Variants in PTPRD observed in about 807,000 individuals in gnomAD.
PTPRD encodes the protein receptor-type tyrosine-protein phosphatase delta.
A neutral mutation model predicts 214.5 loss-of-function variants in PTPRD; 34 were observed. The ratio of observed to expected loss-of-function variants is 0.16; its 90% confidence interval spans 0.12 to 0.21. PTPRD has a LOEUF of 0.21. Among genes scored for constraint, PTPRD ranks in the 10% least tolerant of loss-of-function variants. PTPRD has a pLI of 1.00. For synonymous variants in PTPRD, 1,128 were observed against 845.7 expected, an observed-to-expected ratio of 1.33 and a Z score of -5.79; for missense variants, 2,545 against 2,398.7, an observed-to-expected ratio of 1.06 and a Z score of -1.27.
chr9:9,014,592 T>G (rs930242126), intron 11 of PTPRD, among the ~76,000 whole-genome samples: 2 of 152,182 alleles, frequency 1.3e-5, no homozygotes, highest in African/African-American at 4.8e-5. Context: ...GTGTGTTTAT[T>G]TATGGTAATA....
intron 4 of PTPRD, among the ~76,000 whole-genome samples, chr9:10,027,884 T>G (rs893465900): frequency 6.6e-6 from 1 of 152,180 alleles, no homozygotes; most frequent in Non-Finnish European, 1.5e-5. Context: ...GGTGATTATT[T>G]TGTTTTTCCT....
Position 8,528,768 on chromosome 9 carries a change from G to T in PTPRD, c.364C>A (p.Pro122Thr), listed in dbSNP as rs1279233089. 2 of 1,613,098 alleles carry T rather than the reference G, an allele frequency of 1.2e-6. No individual in the cohort carries two copies. Among genetic ancestry groups the T allele is most frequent in the Non-Finnish European group, 1.7e-6 (2 of 1,179,538 alleles). The change falls in exon 15 of 46, where the codon CCC (proline) becomes ACC (threonine). Residue 122 changes from proline to threonine, a missense_variant. Coordinates refer to ENST00000381196, the MANE Select transcript of PTPRD (RefSeq NM_002839.4). ...RLTVLREDQI[P>T]RGFPTIDMGP... Reference sequence around the variant, plus strand: ...ATGTCAATGGTAGGGAAGCCCCTGGGAATTTGATCTTCTGCAAGACAAAAG... The same window carrying T: ...ATGTCAATGGTAGGGAAGCCCCTGGTAATTTGATCTTCTGCAAGACAAAAG...
intron 14 of PTPRD, among the ~76,000 whole-genome samples, chr9:8,578,330 T>C (rs1262483783): frequency 6.6e-6 from 1 of 152,194 alleles, no homozygotes; most frequent in Non-Finnish European, 1.5e-5. Context: ...CAACTAGGTA[T>C]ACTGTTGATC....
rs1025108396 is a variant in PTPRD, at chr9:8,391,491, C to T, written c.4211-2084G>A. 9.9e-5 allele frequency among the ~76,000 whole-genome samples: 15 copies of T among 152,222 alleles called. No homozygotes were observed. The East Asian group carries it at 2.1e-3, about 22-fold the overall frequency. On this transcript the variant is annotated intron_variant, in intron 36 of 45. Coordinates refer to ENST00000381196, the MANE Select transcript of PTPRD (RefSeq NM_002839.4). Reference sequence around the variant, plus strand: ...ACCAGATTACTGTAGATTCAAATGACGGTTTAAATAAAATTCTCAGGTTAC... The same window carrying T: ...ACCAGATTACTGTAGATTCAAATGATGGTTTAAATAAAATTCTCAGGTTAC...
chr9:10,266,713 G>A (rs2094085447), intron 3 of PTPRD, among the ~76,000 whole-genome samples: 1 of 151,978 alleles, frequency 6.6e-6, no homozygotes, highest in African/African-American at 2.4e-5. Flanking sequence ...CAGGAAAAGC[G>A]AGAATAGCAC....
intron 2 of PTPRD, among the ~76,000 whole-genome samples, chr9:10,475,884 A>G (rs2099059591): frequency 6.6e-6 from 1 of 152,114 alleles, no homozygotes; most frequent in South Asian, 2.1e-4. Flanking sequence ...AAAAAAACAT[A>G]TGATTATCTC....
rs2074886434 is a variant in PTPRD at position 8,528,667 on chromosome 9, T to C, written c.465A>G (p.Pro155=). The C allele has an allele frequency of 1.9e-6, 3 of 1,613,804 alleles. No individual in the cohort carries two copies. The highest frequency in any genetic ancestry group is 1.1e-5 in the South Asian group (1 of 91,088). The change falls in exon 15 of 46, where the codon CCA becomes CCG. Residue 155 remains proline, a synonymous_variant. Coordinates refer to ENST00000381196, the MANE Select transcript of PTPRD (RefSeq NM_002839.4). ...AGAAATCTTTAAACCAAGTGATTTC[T>C]GGATCCGGATTACCACTGGCTGCAC... ...MLCAASGNPD[P]EITWFKDFLP... is the part of the protein sequence containing the mutation.
intron 2 of PTPRD, among the ~76,000 whole-genome samples, chr9:10,573,483 T>C (rs1013263377): frequency 7.2e-5 from 11 of 152,120 alleles, no homozygotes; most frequent in African/African-American, 1.7e-4. Flanking sequence ...AGTATTTGTA[T>C]GGAGGAAGGC....
At chr9:8,818,602 A>G (rs2096972586) in intron 11 of PTPRD, among the ~76,000 whole-genome samples, 1 of 152,242 alleles carries the variant, frequency 6.6e-6, no homozygotes, top group Non-Finnish European at 1.5e-5. Context: ...AAAGCCACAT[A>G]GTCAAAAAGT....
Position 10,191,257 on chromosome 9 carries a change from A to C in PTPRD, c.-545+149706T>G, listed in dbSNP as rs149035771. The stretch of plus-strand genomic sequence containing the variant: ...AATTTTTACCTCTGAGAAATATATT[A>C]ATATCAGTGAATCAATTTCCTTAAA... On this transcript the variant is annotated intron_variant, in intron 3 of 45. Coordinates refer to ENST00000381196, the MANE Select transcript of PTPRD (RefSeq NM_002839.4). Among the ~76,000 whole-genome samples, 1,027 of 152,182 alleles carry C rather than the reference A, an allele frequency of 6.7e-3. 11 individuals carry two copies. The highest frequency in any genetic ancestry group is 0.024 in the African/African-American group (982 of 41,560).
In PTPRD at chr9:9,183,405, T is replaced by A. The variant is rs568452950; in HGVS notation, c.-202-42A>T. 4 of 152,108 alleles carry A rather than the reference T, an allele frequency of 2.6e-5. No individual in the cohort carries two copies. In the South Asian group the frequency reaches 8.3e-4, roughly 32 times the overall value. 9.4% of individuals were successfully genotyped at this position (152,108 alleles called of 1,614,324 possible). A position where few individuals can be genotyped will look rare whatever the true frequency, so the allele number is the denominator to read the frequency against. ...AAAGTAACAATTATTTAAAAAATAT[T>A]TTAATCCCTACATTGTCTTTAAGAT... On this transcript the variant is annotated intron_variant, in intron 9 of 45. Transcript: ENST00000381196.
chr9:9,675,837 T>C (rs1186351801), intron 7 of PTPRD, among the ~76,000 whole-genome samples: 1 of 151,974 alleles, frequency 6.6e-6, no homozygotes, highest in African/African-American at 2.4e-5. Flanking sequence ...CGACCTAATC[T>C]TAATATAAAA....
chr9:10,203,427 G>C (rs1421289113), intron 3 of PTPRD, among the ~76,000 whole-genome samples: 1 of 151,878 alleles, frequency 6.6e-6, no homozygotes, highest in Non-Finnish European at 1.5e-5. Flanking sequence ...CAGGACATTT[G>C]GTAGGTTTGG....
chr9:10,507,941 T>G (rs928707698), intron 2 of PTPRD, among the ~76,000 whole-genome samples: 1 of 152,208 alleles, frequency 6.6e-6, no homozygotes, highest in South Asian at 2.1e-4. Context: ...AAGCCAAAAC[T>G]GACAAATGGG....
At chr9:9,882,229 G>A (rs544491001) in intron 5 of PTPRD, among the ~76,000 whole-genome samples, 64 of 151,970 alleles carry the variant, frequency 4.2e-4, no homozygotes, top group Non-Finnish European at 7.8e-4. Flanking sequence ...TCATTATCAT[G>A]TCTCTCATTT....
At chr9:9,826,275 T>C (rs2052795417) in intron 5 of PTPRD, among the ~76,000 whole-genome samples, 1 of 151,864 alleles carries the variant, frequency 6.6e-6, no homozygotes, top group Admixed American at 6.6e-5. Context: ...TCTTCATTTC[T>C]GAAATGATTT....
intron 5 of PTPRD, among the ~76,000 whole-genome samples, chr9:9,816,783 T>C (rs1013495506): frequency 2.6e-5 from 4 of 151,954 alleles, no homozygotes; most frequent in African/African-American, 9.7e-5. Context: ...CCTTTAGTAA[T>C]AGATAGTGAA....
intron 11 of PTPRD, among the ~76,000 whole-genome samples, chr9:8,978,744 G>A (rs571402952): frequency 2.0e-5 from 3 of 152,240 alleles, no homozygotes; most frequent in Non-Finnish European, 4.4e-5. Context: ...AAGGAACAAT[G>A]GAGGAAATAG....
At chr9:9,526,001 T>C (rs1267219303) in intron 8 of PTPRD, among the ~76,000 whole-genome samples, 1 of 152,168 alleles carries the variant, frequency 6.6e-6, no homozygotes, top group Non-Finnish European at 1.5e-5. Flanking sequence ...GCATCTTAAG[T>C]AGTATAGTAA....
Sources: gnomAD v4.1 joint callset for allele counts (sites outside exome capture counted in the v4.1 genomes callset) on GRCh38, gnomAD v4.1.1 for gene constraint, MANE v1.5 for transcripts, NCBI Gene and HGNC (gene_info 2026-07-23, HGNC 2026-07-21) for gene names.